The following KCTD8 variants were observed in gnomAD, a reference collection of about 807,000 sequenced individuals.
KCTD8 encodes BTB/POZ domain-containing protein KCTD8.
KCTD8 carries 27 observed loss-of-function variants against 31.5 expected under a neutral mutation model. The ratio of observed to expected loss-of-function variants is 0.86; its 90% confidence interval spans 0.63 to 1.18. The LOEUF (loss-of-function observed/expected upper bound fraction) is 1.18. Ranked by LOEUF, KCTD8 falls within the 50% of genes most tolerant of loss-of-function variation. The pLI, the probability that KCTD8 is intolerant of heterozygous loss-of-function variation, is 0.00. For synonymous variants in KCTD8, 290 were observed against 280.0 expected (o/e 1.04, Z -0.36); for missense variants, 658 against 647.7 (o/e 1.02, Z -0.17).
At chr4:44,444,962 C>G (rs1404718534) in intron 1 of KCTD8, among the ~76,000 whole-genome samples, 1 of 151,820 alleles carries the variant, frequency 6.6e-6, no homozygotes, top group East Asian at 1.9e-4. Context: ...AAAAGGGTGT[C>G]AAAGGGGGAA....
chr4:44,350,138 T>C (rs1425744406), intron 1 of KCTD8, among the ~76,000 whole-genome samples: 1 of 152,206 alleles, frequency 6.6e-6, no homozygotes. Context: ...CTATTCTTCC[T>C]CCTCTGCCTG....
intron 1 of KCTD8, among the ~76,000 whole-genome samples, chr4:44,235,560 TATATATATATATATA>T (rs1560402084): frequency 4.1e-3 from 266 of 64,300 alleles, no homozygotes; most frequent in African/African-American, 0.018. Context: ...TATATATATA[TATATATATATATATA>T]TTTAGAGAGA....
At chr4:44,320,461 T>G (rs1166515850) in intron 1 of KCTD8, among the ~76,000 whole-genome samples, 2 of 152,198 alleles carry the variant, frequency 1.3e-5, no homozygotes, top group South Asian at 4.1e-4. Context: ...CCCTAAGTTA[T>G]GAGAATACAT....
intron 1 of KCTD8, among the ~76,000 whole-genome samples, chr4:44,368,372 A>G (rs1251636390): frequency 6.6e-6 from 1 of 151,924 alleles, no homozygotes; most frequent in African/African-American, 2.4e-5. Flanking sequence ...GTGACTGAGC[A>G]AGACTCCTTC....
At chr4:44,181,053 T>TAGTATGTAATTA (rs1713368278) in intron 1 of KCTD8, among the ~76,000 whole-genome samples, 2 of 152,136 alleles carry the variant, frequency 1.3e-5, no homozygotes, top group African/African-American at 4.8e-5. Flanking sequence ...TTACATCTAT[T>TAGTATGTAATTA]CTTACTGGTG....
intron 1 of KCTD8, among the ~76,000 whole-genome samples, chr4:44,432,902 C>T (rs1333239191): frequency 2.0e-5 from 3 of 151,750 alleles, no homozygotes; most frequent in Non-Finnish European, 4.4e-5. Flanking sequence ...ATTCTTTGCA[C>T]TTAAAACTTG....
At chr4:44,422,604 T>A (rs1352301822) in intron 1 of KCTD8, among the ~76,000 whole-genome samples, 1 of 152,130 alleles carries the variant, frequency 6.6e-6, no homozygotes, top group Non-Finnish European at 1.5e-5. Flanking sequence ...AACCATGTGA[T>A]CATTGACAGA....
intron 1 of KCTD8, among the ~76,000 whole-genome samples, chr4:44,343,044 A>G (rs1336319135): frequency 6.6e-6 from 1 of 152,218 alleles, no homozygotes; most frequent in African/African-American, 2.4e-5. Context: ...TCATGTGTCC[A>G]GTGGAGTTGC....
intron 1 of KCTD8, among the ~76,000 whole-genome samples, chr4:44,268,587 A>C (rs1172338220): frequency 6.6e-6 from 1 of 152,004 alleles, no homozygotes; most frequent in East Asian, 1.9e-4. Context: ...TCAATTAGGA[A>C]AAGAGGAAGT....
rs1393530807 is a variant in KCTD8, at chr4:44,447,807, C to T, written c.717G>A (p.Gly239=). 1 of 1,604,998 alleles carries T rather than the reference C, an allele frequency of 6.2e-7. No homozygotes were observed. Among genetic ancestry groups the T allele is most frequent in the Middle Eastern group, 1.7e-4 (1 of 6,044 alleles). ...AGACCTCCTTGGCCAGCGCGATGCGCCCGCACACCATGATGCGCGCCACAC... is the reference window on the plus strand; with the variant it reads ...AGACCTCCTTGGCCAGCGCGATGCGTCCGCACACCATGATGCGCGCCACAC... ...FRRVARIMVC[G]RIALAKEVFG... The change falls in exon 1 of 2, where the codon GGG becomes GGA. Residue 239 remains glycine (G), a synonymous_variant. Coordinates refer to ENST00000360029, the MANE Select transcript of KCTD8 (RefSeq NM_198353.3).
chr4:44,436,121 C>G (rs1259143132), intron 1 of KCTD8, among the ~76,000 whole-genome samples: 1 of 152,098 alleles, frequency 6.6e-6, no homozygotes, highest in Non-Finnish European at 1.5e-5. Flanking sequence ...CTCACATCAA[C>G]TGATTAGTGG....
chr4:44,235,576 T>TATATA (rs1560402134), intron 1 of KCTD8, among the ~76,000 whole-genome samples: 80 of 56,744 alleles, frequency 1.4e-3, no homozygotes, highest in Non-Finnish European at 1.9e-3. Context: ...TATATATATA[T>TATATA]TTAGAGAGAG....
chr4:44,447,152 C>T (rs1329175096), intron 1 of KCTD8, among the ~76,000 whole-genome samples: 5 of 152,216 alleles, frequency 3.3e-5, no homozygotes, highest in Non-Finnish European at 7.3e-5. Context: ...CACTGAGGGC[C>T]ACATGAAATG....
At chr4:44,340,747 G>A (rs1718876979) in intron 1 of KCTD8, among the ~76,000 whole-genome samples, 1 of 152,024 alleles carries the variant, frequency 6.6e-6, no homozygotes, top group East Asian at 1.9e-4. Flanking sequence ...GAACACTCAA[G>A]AGCATATACT....
chr4:44,395,351 C>A (rs533882119), intron 1 of KCTD8, among the ~76,000 whole-genome samples: 3 of 151,946 alleles, frequency 2.0e-5, no homozygotes, highest in Admixed American at 2.0e-4. Flanking sequence ...AAGCTAGGGG[C>A]CGAAAAGACC....
At chr4:44,325,041 A>G (rs893952982) in intron 1 of KCTD8, among the ~76,000 whole-genome samples, 2 of 152,016 alleles carry the variant, frequency 1.3e-5, no homozygotes, top group African/African-American at 4.8e-5. Flanking sequence ...TAGGGTGGAA[A>G]GATAATCTTC....
intron 1 of KCTD8, among the ~76,000 whole-genome samples, chr4:44,253,858 C>G (rs192822260): frequency 6.6e-6 from 1 of 151,912 alleles, no homozygotes; most frequent in Non-Finnish European, 1.5e-5. Flanking sequence ...GTAGCTAAAA[C>G]AGAAATTGAT....
At chr4:44,225,764 T>C (rs1026507306) in intron 1 of KCTD8, among the ~76,000 whole-genome samples, 1 of 151,618 alleles carries the variant, frequency 6.6e-6, no homozygotes, top group Non-Finnish European at 1.5e-5. Context: ...TACATATACG[T>C]GTGCCATGGT....
At chr4:44,319,558 T>C (rs1718233679) in intron 1 of KCTD8, among the ~76,000 whole-genome samples, 1 of 151,908 alleles carries the variant, frequency 6.6e-6, no homozygotes, top group Non-Finnish European at 1.5e-5. Flanking sequence ...AATAGATAAA[T>C]CACTTCTACG....
Sources: allele counts gnomAD v4.1 joint callset (sites outside exome capture counted in the v4.1 genomes callset), GRCh38; gene constraint gnomAD v4.1.1; transcripts MANE v1.5; gene names NCBI Gene and HGNC (gene_info 2026-07-23, HGNC 2026-07-21).